The following TMEM132C variants were observed in gnomAD, a reference collection of about 807,000 sequenced individuals.
The protein encoded by TMEM132C is transmembrane protein 132C, also known as protein phosphatase 1, regulatory subunit 152.
Under a neutral mutation model 61.4 loss-of-function variants are expected in TMEM132C, and 29 were observed. The observed-to-expected ratio is 0.47, with a 90% CI of 0.35 to 0.64. The LOEUF is 0.64. TMEM132C is among the 30% of genes least tolerant of loss of function. TMEM132C has a pLI of 0.00. For synonymous variants in TMEM132C, 656 were observed against 633.1 expected, an observed-to-expected ratio of 1.04 and a Z score of -0.54; for missense variants, 1,408 against 1,476.9, an observed-to-expected ratio of 0.95 and a Z score of 0.76.
At chr12:128,505,476 T>G (rs1872325324) in intron 2 of TMEM132C, among the ~76,000 whole-genome samples, 1 of 152,168 alleles carries the variant, frequency 6.6e-6, no homozygotes, top group African/African-American at 2.4e-5. Flanking sequence ...GGCTAGTTAT[T>G]CCAAGTTCTT....
chr12:128,644,988 T>C (rs1593131694), intron 4 of TMEM132C, among the ~76,000 whole-genome samples: 1 of 151,838 alleles, frequency 6.6e-6, no homozygotes, highest in African/African-American at 2.4e-5. Flanking sequence ...ATTCATGGGG[T>C]TTGGGGGCGA....
intron 1 of TMEM132C, among the ~76,000 whole-genome samples, chr12:128,268,314 G>C (rs1274956905): frequency 2.6e-5 from 4 of 152,202 alleles, no homozygotes; most frequent in Non-Finnish European, 5.9e-5. Context: ...TGGTTTTTCC[G>C]ACCTTTTTTA....
At position 128,441,171 on chromosome 12, in the gene TMEM132C, C is replaced by G. The variant is rs575552504; in HGVS notation, c.974+25551C>G. 1.3e-4 allele frequency among the ~76,000 whole-genome samples: 20 copies of G among 152,340 alleles called. No individual in the cohort carries two copies. The South Asian group carries it at 4.1e-3, about 32-fold the overall frequency. On this transcript the variant is annotated intron_variant, in intron 2 of 8. Transcript: ENST00000435159. ...TCAGGCATTCAGCTCTTCTTGAAAA[C>G]TGAGGTCTGGCAGGTCAGCAGTTCT...
chr12:128,437,179 G>A (rs11836563), intron 2 of TMEM132C, among the ~76,000 whole-genome samples: 3,633 of 152,234 alleles, frequency 0.024, 138 homozygotes, highest in African/African-American at 0.078. Flanking sequence ...ATAGTATTAG[G>A]AGAAATACCT....
At chr12:128,408,542 G>A (rs1868397689) in intron 1 of TMEM132C, among the ~76,000 whole-genome samples, 1 of 152,142 alleles carries the variant, frequency 6.6e-6, no homozygotes. Context: ...CAAAATAAAA[G>A]CATCAGATGT....
chr12:128,276,824 A>G (rs1203418556), intron 1 of TMEM132C, among the ~76,000 whole-genome samples: 1 of 152,142 alleles, frequency 6.6e-6, no homozygotes, highest in Admixed American at 6.5e-5. Flanking sequence ...TTATATTCCC[A>G]AAATAAAGGA....
chr12:128,462,444 C>T (rs935068942), intron 2 of TMEM132C, among the ~76,000 whole-genome samples: 1 of 152,072 alleles, frequency 6.6e-6, no homozygotes, highest in African/African-American at 2.4e-5. Context: ...TTTTTATTTC[C>T]CTGTTTGAGC....
intron 1 of TMEM132C, among the ~76,000 whole-genome samples, chr12:128,393,115 T>A (rs182517859): frequency 6.6e-6 from 1 of 152,234 alleles, no homozygotes; most frequent in African/African-American, 2.4e-5. Flanking sequence ...CTAAGCATCA[T>A]TGCTTTAAAA....
At chr12:128,688,864 G>C (rs1954697854) in intron 5 of TMEM132C, among the ~76,000 whole-genome samples, 1 of 152,200 alleles carries the variant, frequency 6.6e-6, no homozygotes, top group East Asian at 1.9e-4. Flanking sequence ...TGCGATCTCA[G>C]CTCACTGTAA....
chr12:128,416,065 C>CT (rs1191838658), intron 2 of TMEM132C, among the ~76,000 whole-genome samples: 5 of 152,058 alleles, frequency 3.3e-5, no homozygotes, highest in South Asian at 4.2e-4. Context: ...ACATAGTACC[C>CT]TTTTTTTTAA....
At chr12:128,520,017 T>C (rs1299579096) in intron 2 of TMEM132C, among the ~76,000 whole-genome samples, 1 of 152,256 alleles carries the variant, frequency 6.6e-6, no homozygotes, top group African/African-American at 2.4e-5. Flanking sequence ...TCTCTAGGAC[T>C]TAAGCCCCTC....
intron 1 of TMEM132C, among the ~76,000 whole-genome samples, chr12:128,366,221 G>C (rs1374798835): frequency 6.6e-6 from 1 of 152,156 alleles, no homozygotes; most frequent in Non-Finnish European, 1.5e-5. Context: ...ACAGACTCCA[G>C]ACCTCTATGC....
chr12:128,413,796 A>G (rs1169425030), intron 1 of TMEM132C, among the ~76,000 whole-genome samples: 2 of 152,152 alleles, frequency 1.3e-5, no homozygotes, highest in Non-Finnish European at 2.9e-5. Flanking sequence ...ATTTACTCCC[A>G]GCCTGTTATT....
intron 2 of TMEM132C, among the ~76,000 whole-genome samples, chr12:128,431,459 C>T (rs1333549348): frequency 6.6e-6 from 1 of 151,680 alleles, no homozygotes; most frequent in African/African-American, 2.4e-5. Context: ...TAGCTAAGAT[C>T]GTCGATGAGG....
rs780340296 is a variant in TMEM132C, at chr12:128,397,923, G to A, written c.86-16809G>A. Among the ~76,000 whole-genome samples, 87 of 152,306 alleles carry A rather than the reference G, an allele frequency of 5.7e-4. 1 individual carries two copies. The highest frequency in any genetic ancestry group is 6.8e-3 in the Middle Eastern group (2 of 294). On this transcript the variant is annotated intron_variant, in intron 1 of 8. Transcript: ENST00000435159. The stretch of plus-strand genomic sequence containing the variant: ...AATTGTCTGTGTGCTCCCTACAGAA[G>A]CAAGGCAGCATGGGGTACAGACAAG...
At chr12:128,351,973 G>T (rs1873349750) in intron 1 of TMEM132C, among the ~76,000 whole-genome samples, 2 of 152,186 alleles carry the variant, frequency 1.3e-5, no homozygotes, top group African/African-American at 4.8e-5. Context: ...GTGAGTCAGT[G>T]ATCTGTAGGC....
chr12:128,467,993 C>A (rs1870797572), intron 2 of TMEM132C, among the ~76,000 whole-genome samples: 1 of 152,180 alleles, frequency 6.6e-6, no homozygotes, highest in Non-Finnish European at 1.5e-5. Context: ...CTCTGTGATG[C>A]AGTGTGCAAG....
At chr12:128,704,607 C>A (rs1012350267) in intron 8 of TMEM132C, among the ~76,000 whole-genome samples, 4 of 152,204 alleles carry the variant, frequency 2.6e-5, no homozygotes, top group African/African-American at 9.7e-5. Flanking sequence ...TTTCTGATGT[C>A]ATTGGTTCTG....
chr12:128,451,219 G>A (rs546145793), intron 2 of TMEM132C, among the ~76,000 whole-genome samples: 43 of 152,190 alleles, frequency 2.8e-4, no homozygotes, highest in Admixed American at 8.5e-4. Context: ...CCAGTATTAC[G>A]TTTCTAGACT....
Sources: gnomAD v4.1 joint callset for allele counts (sites outside exome capture counted in the v4.1 genomes callset) on GRCh38, gnomAD v4.1.1 for gene constraint, MANE v1.5 for transcripts, NCBI Gene and HGNC (gene_info 2026-07-23, HGNC 2026-07-21) for gene names.